Variants in ELOVL6 observed in about 807,000 individuals in gnomAD.
The protein encoded by ELOVL6 is very long chain fatty acid elongase 6.
Under a neutral mutation model 31.7 loss-of-function variants are expected in ELOVL6, and 8 were observed. That is an observed-to-expected ratio of 0.25 (90% CI 0.15 to 0.45). The LOEUF (loss-of-function observed/expected upper bound fraction) is 0.45, where lower values mean the gene tolerates loss of function less well. Ranked by LOEUF, ELOVL6 falls within the 20% of genes least tolerant of loss-of-function variation. The probability of loss-of-function intolerance (pLI) is 1.00; values close to 1 mark genes in which losing one functional copy is unlikely to be tolerated. For missense variants in ELOVL6, 126 were observed against 326.4 expected (o/e 0.39, Z 4.73); for synonymous variants, 101 against 117.7 (o/e 0.86, Z 0.92).
chr4:110,063,403 G>A (rs757665332), intron 2 of ELOVL6, among the ~76,000 whole-genome samples: 1 of 151,364 alleles, frequency 6.6e-6, no homozygotes, highest in African/African-American at 2.5e-5. Context: ...CAGAGCGTGG[G>A]GTCAAGGAGG....
chr4:110,184,399 T>C (rs1308366496), intron 1 of ELOVL6, among the ~76,000 whole-genome samples: 2 of 152,054 alleles, frequency 1.3e-5, no homozygotes, highest in African/African-American at 4.8e-5. Context: ...TAAAGAGCAA[T>C]AGATATAGAT....
In ELOVL6 at chr4:110,084,134, A is replaced by ATATAT. The variant is rs1372065552; in HGVS notation, c.221+21362_221+21363insATATA. ...ATGATATATATAACATATATGTGAT[A>ATATAT]ATGATATATATGATATATATAACAT... On this transcript the variant is annotated intron_variant, in intron 2 of 3. Transcript: ENST00000302274. Among the ~76,000 whole-genome samples the ATATAT allele has an allele frequency of 1.3e-4, 6 of 45,952 alleles. 1 individual carries two copies. The highest frequency in any genetic ancestry group is 1.2e-3 in the East Asian group (1 of 830). The allele number at this position is 45,952 out of a possible 152,430, so 30.1% of individuals were successfully genotyped here.
At chr4:110,076,049 A>G (rs1755616904) in intron 2 of ELOVL6, among the ~76,000 whole-genome samples, 2 of 152,220 alleles carry the variant, frequency 1.3e-5, no homozygotes, top group Admixed American at 1.3e-4. Context: ...GTGATGTTGC[A>G]TTGTAGTATT....
chr4:110,083,274 A>G (rs1225759781), intron 2 of ELOVL6, among the ~76,000 whole-genome samples: 1 of 151,766 alleles, frequency 6.6e-6, no homozygotes, highest in Non-Finnish European at 1.5e-5. Context: ...TGGACTAGGG[A>G]TGAGGGCAAG....
At chr4:110,060,410 C>A (rs907091791) in intron 2 of ELOVL6, among the ~76,000 whole-genome samples, 1 of 152,180 alleles carries the variant, frequency 6.6e-6, no homozygotes, top group Non-Finnish European at 1.5e-5. Flanking sequence ...TCCCTAGAAC[C>A]AGTGTTGTGC....
At chr4:110,172,220 T>C (rs889191422) in intron 1 of ELOVL6, among the ~76,000 whole-genome samples, 5 of 152,046 alleles carry the variant, frequency 3.3e-5, no homozygotes, top group African/African-American at 1.2e-4. Context: ...AGTGTCAAAA[T>C]TGAACTGGAG....
intron 2 of ELOVL6, among the ~76,000 whole-genome samples, chr4:110,086,868 G>A (rs909986810): frequency 1.3e-5 from 2 of 152,166 alleles, no homozygotes; most frequent in African/African-American, 2.4e-5. Context: ...AAACTGATCC[G>A]GAATTAGGAA....
At chr4:110,117,035 T>G (rs974946525) in intron 1 of ELOVL6, among the ~76,000 whole-genome samples, 43 of 152,356 alleles carry the variant, frequency 2.8e-4, no homozygotes, top group African/African-American at 1.0e-3. Flanking sequence ...TCTGTGGACC[T>G]CTTCTCTTTT....
chr4:110,110,314 G>C lies in ELOVL6; in HGVS notation c.90-4686C>G, dbSNP rs559487717. ...GAGGTTTCTTGAAGTCCTATCCAGGGCTTAATTCTGCCACATTCTTAAGGA... is the reference window on the plus strand; with the variant it reads ...GAGGTTTCTTGAAGTCCTATCCAGGCCTTAATTCTGCCACATTCTTAAGGA... On this transcript the variant is annotated intron_variant, in intron 1 of 3. Transcript: ENST00000302274. 4.0e-5 allele frequency among the ~76,000 whole-genome samples: 6 copies of C among 151,888 alleles called. No homozygotes were observed. In the South Asian group the frequency reaches 1.2e-3, roughly 32 times the overall value.
At chr4:110,074,479 C>T (rs1239259327) in intron 2 of ELOVL6, among the ~76,000 whole-genome samples, 2 of 152,080 alleles carry the variant, frequency 1.3e-5, no homozygotes, top group African/African-American at 2.4e-5. Flanking sequence ...ATGTGCCAGG[C>T]ATTATTTCAG....
chr4:110,115,625 C>T (rs1026883), intron 1 of ELOVL6, among the ~76,000 whole-genome samples: 115,701 of 152,018 alleles, frequency 0.76, 44,443 homozygotes, highest in East Asian at 0.92. Context: ...AACATTTTGA[C>T]TGGGGCTTTC....
chr4:110,099,258 TA>T (rs10715980), intron 2 of ELOVL6, among the ~76,000 whole-genome samples: 46,372 of 151,934 alleles, frequency 0.31, 8,085 homozygotes, highest in East Asian at 0.7. Flanking sequence ...CTTGCACTGT[TA>T]AGACTTTTCT....
intron 1 of ELOVL6, among the ~76,000 whole-genome samples, chr4:110,126,153 C>T (rs1757489554): frequency 6.6e-6 from 1 of 152,024 alleles, no homozygotes; most frequent in Non-Finnish European, 1.5e-5. Context: ...AAACAATTGT[C>T]CTACCTCAGC....
intron 1 of ELOVL6, among the ~76,000 whole-genome samples, chr4:110,154,005 T>C (rs1758348999): frequency 1.3e-5 from 2 of 152,206 alleles, no homozygotes; most frequent in African/African-American, 4.8e-5. Context: ...AAATTACCAA[T>C]TCCACTTTTA....
chr4:110,137,239 C>G (rs548036435), intron 1 of ELOVL6, among the ~76,000 whole-genome samples: 4 of 152,264 alleles, frequency 2.6e-5, no homozygotes, highest in South Asian at 2.1e-4. Context: ...TGACTCTGAG[C>G]CTGGATTAAA....
In ELOVL6 at chr4:110,049,801, C is replaced by T. The variant is rs1754790176; in HGVS notation, c.*1537G>A. The T allele has an allele frequency of 6.6e-6, 1 of 151,060 alleles. No homozygotes were observed. The highest frequency in any genetic ancestry group is 2.5e-5 in the African/African-American group (1 of 40,802). 9.4% of individuals were successfully genotyped at this position (151,060 alleles called of 1,614,324 possible). On this transcript the variant is annotated 3_prime_UTR_variant, in exon 4 of 4. Coordinates refer to ENST00000302274, the MANE Select transcript of ELOVL6 (RefSeq NM_024090.3). ...TATTATGTCACATTGAACAACTTTA[C>T]ATAATTGCTTCTTTGAAATACTAGA...
chr4:110,092,093 G>C (rs1215094015), intron 2 of ELOVL6, among the ~76,000 whole-genome samples: 1 of 152,166 alleles, frequency 6.6e-6, no homozygotes, highest in Non-Finnish European at 1.5e-5. Flanking sequence ...TAGGAAACGA[G>C]TTTCAAGGAG....
At chr4:110,117,474 C>T (rs1757198951) in intron 1 of ELOVL6, among the ~76,000 whole-genome samples, 1 of 151,942 alleles carries the variant, frequency 6.6e-6, no homozygotes, top group Admixed American at 6.6e-5. Flanking sequence ...AAAGGGAAAA[C>T]AAAATAACAA....
chr4:110,068,243 T>TAA (rs144876751), intron 2 of ELOVL6, among the ~76,000 whole-genome samples: 8,659 of 152,246 alleles, frequency 0.057, 274 homozygotes, highest in Middle Eastern at 0.095. Context: ...ATTCTGTATC[T>TAA]AAAATGGTAC....
Sources: gnomAD v4.1 joint callset for allele counts (sites outside exome capture counted in the v4.1 genomes callset) on GRCh38, gnomAD v4.1.1 for gene constraint, MANE v1.5 for transcripts, NCBI Gene and HGNC (gene_info 2026-07-23, HGNC 2026-07-21) for gene names.